The following HSH2D variants were observed in gnomAD, a reference collection of about 807,000 sequenced individuals.
HSH2D encodes hematopoietic SH2 domain containing, also known as hematopoietic SH2 domain-containing protein.
HSH2D carries 16 observed loss-of-function variants against 21.5 expected under a neutral mutation model. The observed-to-expected ratio is 0.74, with a 90% CI of 0.50 to 1.13. The LOEUF (loss-of-function observed/expected upper bound fraction) is 1.13, where lower values mean the gene tolerates loss of function less well. Ranked by LOEUF, HSH2D falls within the 50% of genes most tolerant of loss-of-function variation. The pLI, the probability that HSH2D is intolerant of heterozygous loss-of-function variation, is 0.00. For missense variants in HSH2D, 418 were observed against 441.4 expected (o/e 0.95, Z 0.47); for synonymous variants, 172 against 184.7 (o/e 0.93, Z 0.56).
At chr19:16,140,368 G>A (rs2090991743), upstream of HSH2D, among the ~76,000 whole-genome samples, 1 of 152,086 alleles carries the variant, frequency 6.6e-6, no homozygotes, top group African/African-American at 2.4e-5. Context: ...ACTTTGGGAG[G>A]CCAAGGTGGG....
chr19:16,153,006 G>T, intron 3 of HSH2D, 37 bp from the exon 4 acceptor site: 1 of 1,593,850 alleles, frequency 6.3e-7, no homozygotes, highest in African/African-American at 1.3e-5. Context: ...GGGATGAGGG[G>T]GAGTAGGATG....
At chr19:16,143,626 C>A, upstream of HSH2D, 1 of 368,864 alleles carries the variant, frequency 2.7e-6, no homozygotes, top group South Asian at 1.9e-5. Context: ...CTTGTTCCGC[C>A]CCCAGGGCTC....
At chr19:16,140,578 C>T (rs530142479), upstream of HSH2D, among the ~76,000 whole-genome samples, 9 of 151,252 alleles carry the variant, frequency 6.0e-5, no homozygotes, top group South Asian at 1.5e-3. Flanking sequence ...GTACTCCAGC[C>T]GGGGCGATAG....
At chr19:16,151,943 TAAAA>T (rs35017472) in intron 2 of HSH2D, among the ~76,000 whole-genome samples, 1 of 109,558 alleles carries the variant, frequency 9.1e-6, no homozygotes. Context: ...CTGTCTCTAC[TAAAA>T]AAAAAAAAAA....
upstream of HSH2D, among the ~76,000 whole-genome samples, chr19:16,140,668 C>T (rs112793944): frequency 6.6e-3 from 1,000 of 151,698 alleles, 10 homozygotes; most frequent in African/African-American, 0.023. Flanking sequence ...GAGGCTGAGG[C>T]GGGAGGATCA....
At chr19:16,153,785 T>A (rs1422578525) in intron 4 of HSH2D, among the ~76,000 whole-genome samples, 2 of 151,050 alleles carry the variant, frequency 1.3e-5, no homozygotes, top group African/African-American at 4.9e-5. Context: ...CCAGTGGGCG[T>A]GGCCTAGCCC....
At position 16,157,550 on chromosome 19, in the gene HSH2D, C is replaced by T. The variant is rs750357689; in HGVS notation, c.815C>T (p.Thr272Ile). 2 of 1,613,880 alleles carry T rather than the reference C, an allele frequency of 1.2e-6. No homozygotes were observed. The highest frequency in any genetic ancestry group is 8.5e-7 in the Non-Finnish European group (1 of 1,179,818). The stretch of plus-strand genomic sequence containing the variant: ...GGCTACACGGATCCCTGTGTGGCCA[C>T]ATCTCTCAAAAGCCCCTCACAGCCC... ...DRGYTDPCVA[T>I]SLKSPSQPQA... The change falls in exon 6 of 6, where the codon ACA becomes ATA. Residue 272 changes from threonine to isoleucine, a missense_variant. By Grantham distance (89) the Thr-to-Ile change is moderately conservative. Transcript: ENST00000613986. The surrounding 1 kb of genome is among the most constrained non-coding windows in gnomAD (Gnocchi z 4.4).
chr19:16,148,323 A>G (rs1436479766), intron 1 of HSH2D, among the ~76,000 whole-genome samples: 1 of 151,712 alleles, frequency 6.6e-6, no homozygotes, highest in Non-Finnish European at 1.5e-5. Context: ...TAATTTTTGT[A>G]TTTTTAGTAG....
In HSH2D at chr19:16,138,418, A is replaced by G. The variant is rs575156885; in HGVS notation, c.-323-3523A>G. Among the ~76,000 whole-genome samples, 3 of 152,310 alleles carry G rather than the reference A, an allele frequency of 2.0e-5. No homozygotes were observed. In the South Asian group the frequency reaches 6.2e-4, roughly 32 times the overall value. On this transcript the variant is annotated intron_variant, in intron 1 of 7. Coordinates refer to the HSH2D transcript ENST00000616645. ...AGCTGTCATCATCTGTGCCTCAGAC[A>G]TACCAAGTTCTTTCCTACCACAGGG...
intron 2 of HSH2D, among the ~76,000 whole-genome samples, chr19:16,151,218 G>T (rs930639824): frequency 6.6e-6 from 1 of 151,612 alleles, no homozygotes; most frequent in African/African-American, 2.4e-5. Flanking sequence ...CCAGTTACTT[G>T]GGAGGCTGAG....
intron 1 of HSH2D, among the ~76,000 whole-genome samples, chr19:16,144,798 T>C (rs1026325576): frequency 6.2e-5 from 9 of 145,002 alleles, no homozygotes; most frequent in African/African-American, 2.3e-4. Flanking sequence ...GTTCACGCCA[T>C]TCTCCTGCCT....
chr19:16,134,071 T>C (rs1361145492), exon 1 of HSH2D: 1 of 152,346 alleles, frequency 6.6e-6, no homozygotes, highest in Admixed American at 6.5e-5. Flanking sequence ...TCCCTAGGAC[T>C]TGGCAGAGAG....
intron 5 of HSH2D, chr19:16,155,619 C>CTTTTTTTTTTTTTTTTTTTTTT (rs35262744): frequency 8.8e-6 from 1 of 114,178 alleles, no homozygotes; most frequent in African/African-American, 3.3e-5. Context: ...CATGGGAGGA[C>CTTTTTTTTTTTTTTTTTTTTTT]TTTTTTTTTT....
rs201379633 is a variant in HSH2D, at chr19:16,157,455, G to A, written c.720G>A (p.Thr240=). Residue 240 remains threonine, a synonymous_variant, in exon 6 of 6, where the codon ACG becomes ACA. Coordinates refer to ENST00000613986, the MANE Select transcript of HSH2D (RefSeq NM_001382417.1). The surrounding 1 kb of genome is among the most constrained non-coding windows in gnomAD (Gnocchi z 4.4). ...CACTCTTGGATGTCCGGAGATCCAC[G>A]GTGATCTCAGGCCCTGGGACCGGAA... The part of the protein sequence containing the change: ...LSSLLDVRRS[T]VISGPGTGKG... 4.0e-4 allele frequency: 648 copies of A among 1,613,838 alleles called. 2 individuals are homozygous for A. In the African/African-American group the frequency reaches 5.5e-3, roughly 14 times the overall value.
upstream of HSH2D, among the ~76,000 whole-genome samples, chr19:16,143,134 G>C (rs1006439681): frequency 2.6e-5 from 4 of 151,722 alleles, no homozygotes; most frequent in Non-Finnish European, 4.4e-5. Flanking sequence ...GCCCAGGCTG[G>C]AGTGCAATGG....
intron 1 of HSH2D, among the ~76,000 whole-genome samples, chr19:16,135,584 A>G (rs757780894): frequency 1.3e-5 from 2 of 151,930 alleles, no homozygotes; most frequent in Admixed American, 6.6e-5. Flanking sequence ...CTCCACTCCA[A>G]TCCTCTCCTT....
chr19:16,151,765 GAAAAAAAAAAAAAAAA>G (rs746775825), intron 2 of HSH2D, among the ~76,000 whole-genome samples: 1 of 61,318 alleles, frequency 1.6e-5, no homozygotes, highest in East Asian at 5.5e-4. Flanking sequence ...TGCCACAGCT[GAAAAAAAAAAAAAAAA>G]AAAAAAAAGA....
At chr19:16,135,135 G>A (rs60081675) in intron 1 of HSH2D, among the ~76,000 whole-genome samples, 21,588 of 152,032 alleles carry the variant, frequency 0.14, 1,804 homozygotes, top group Non-Finnish European at 0.19. Context: ...AATTAGGCAT[G>A]GTTGCACGCG....
At chr19:16,138,517 G>A (rs1156609623) in intron 1 of HSH2D, among the ~76,000 whole-genome samples, 2 of 152,136 alleles carry the variant, frequency 1.3e-5, no homozygotes, top group Non-Finnish European at 2.9e-5. Context: ...GAGTGCAGTG[G>A]CAAGATCTCA....
Sources: allele counts gnomAD v4.1 joint callset (sites outside exome capture counted in the v4.1 genomes callset), GRCh38; gene constraint gnomAD v4.1.1; non-coding constraint Gnocchi (gnomAD v3.1); transcripts MANE v1.5; gene names NCBI Gene and HGNC (gene_info 2026-07-23, HGNC 2026-07-21).